The following GRID2 variants were observed in gnomAD, a reference collection of about 807,000 sequenced individuals.
GRID2 encodes glutamate receptor ionotropic, delta-2.
GRID2 carries 33 observed loss-of-function variants against 114.8 expected under a neutral mutation model. The ratio of observed to expected loss-of-function variants is 0.29; its 90% CI spans 0.22 to 0.38. The LOEUF (loss-of-function observed/expected upper bound fraction) is 0.38. GRID2 is among the 10% of genes least tolerant of loss of function. The pLI is 1.00. For missense variants in GRID2, 1,184 were observed against 1,257.7 expected, an observed-to-expected ratio of 0.94 and a Z score of 0.89; for synonymous variants, 505 against 449.9, an observed-to-expected ratio of 1.12 and a Z score of -1.55.
intron 13 of GRID2, among the ~76,000 whole-genome samples, chr4:93,529,485 A>G (rs36030221): frequency 4.6e-4 from 70 of 152,292 alleles, no homozygotes; most frequent in Admixed American, 9.8e-4. Flanking sequence ...ATTGTAGATT[A>G]ATAAGCTCTT....
chr4:93,634,475 A>T (rs1008911900), intron 14 of GRID2, among the ~76,000 whole-genome samples: 1 of 152,184 alleles, frequency 6.6e-6, no homozygotes, highest in Non-Finnish European at 1.5e-5. Flanking sequence ...AACACTTGAT[A>T]TGTTTCATAT....
intron 2 of GRID2, among the ~76,000 whole-genome samples, chr4:92,901,325 G>A (rs28813669): frequency 2.6e-5 from 4 of 152,144 alleles, no homozygotes; most frequent in South Asian, 4.1e-4. Context: ...CAGATGGTAA[G>A]TGGTGCTGAG....
In GRID2 at chr4:92,707,050, G is replaced by C. The variant is rs78675811; in HGVS notation, c.244+116764G>C. 2.3e-3 allele frequency among the ~76,000 whole-genome samples: 350 copies of C among 152,156 alleles called. 5 individuals are homozygous for C. Among genetic ancestry groups the C allele is most frequent in the African/African-American group, 7.9e-3 (329 of 41,528 alleles). ...ATTAAAAATCTAAATACTTACGCTA[G>C]AATTACTTTCCTCTTAATTCTTCTG... On this transcript the variant is annotated intron_variant, in intron 2 of 15. Coordinates refer to ENST00000282020, the MANE Select transcript of GRID2 (RefSeq NM_001510.4).
intron 8 of GRID2, among the ~76,000 whole-genome samples, chr4:93,359,593 C>T (rs946607075): frequency 6.6e-6 from 1 of 151,296 alleles, no homozygotes; most frequent in African/African-American, 2.4e-5. Context: ...CTCTGGTAAC[C>T]ATCCTTCTCT....
intron 8 of GRID2, among the ~76,000 whole-genome samples, chr4:93,258,555 A>T (rs1749881415): frequency 6.6e-6 from 1 of 151,818 alleles, no homozygotes; most frequent in African/African-American, 2.4e-5. Context: ...TTTTGAAAAA[A>T]AGACTCAGAG....
At chr4:93,149,787 C>T (rs1044363684) in intron 4 of GRID2, among the ~76,000 whole-genome samples, 1 of 151,762 alleles carries the variant, frequency 6.6e-6, no homozygotes, top group African/African-American at 2.4e-5. Context: ...GTCCATGCAA[C>T]ACGACCTGGC....
intron 2 of GRID2, among the ~76,000 whole-genome samples, chr4:93,042,240 A>T (rs1725590243): frequency 6.9e-6 from 1 of 145,306 alleles, no homozygotes; most frequent in Admixed American, 7.2e-5. Flanking sequence ...TAAATAATAT[A>T]TTTTAAATCT....
intron 1 of GRID2, among the ~76,000 whole-genome samples, chr4:92,575,656 C>A (rs577848039): frequency 6.6e-6 from 1 of 152,300 alleles, no homozygotes; most frequent in African/African-American, 2.4e-5. Flanking sequence ...CCTGTCCCTT[C>A]CTCTGGAAGC....
intron 9 of GRID2, among the ~76,000 whole-genome samples, chr4:93,414,682 A>ATT (rs906579815): frequency 1.4e-5 from 1 of 71,676 alleles, no homozygotes; most frequent in Non-Finnish European, 2.6e-5. Context: ...ACCATCTGAC[A>ATT]TTTTATATAT....
intron 14 of GRID2, among the ~76,000 whole-genome samples, chr4:93,696,615 A>G (rs1223284091): frequency 6.6e-6 from 1 of 152,226 alleles, no homozygotes; most frequent in South Asian, 2.1e-4. Context: ...CAGGTTAGTT[A>G]CATATGTATT....
chr4:92,306,416 G>A (rs565693546), intron 1 of GRID2, among the ~76,000 whole-genome samples: 12 of 152,166 alleles, frequency 7.9e-5, no homozygotes, highest in Non-Finnish European at 1.6e-4. Context: ...GCAATGTTCT[G>A]ATAGAGTTCA....
chr4:92,783,227 T>C (rs766249141), intron 2 of GRID2, among the ~76,000 whole-genome samples: 5 of 152,056 alleles, frequency 3.3e-5, no homozygotes, highest in Non-Finnish European at 7.4e-5. Context: ...AGCTATGTTG[T>C]GGGTTTTCAA....
At chr4:93,599,295 C>T (rs1410812392) in intron 13 of GRID2, among the ~76,000 whole-genome samples, 1 of 152,192 alleles carries the variant, frequency 6.6e-6, no homozygotes, top group East Asian at 1.9e-4. Flanking sequence ...ATAGCACTGT[C>T]ATTAGTGGTC....
intron 2 of GRID2, among the ~76,000 whole-genome samples, chr4:92,699,387 G>T (rs1012082399): frequency 6.6e-6 from 1 of 152,170 alleles, no homozygotes; most frequent in African/African-American, 2.4e-5. Context: ...AGGCCTATTA[G>T]TCTTGCATCT....
chr4:93,202,330 AC>A (rs1321229996), intron 4 of GRID2, among the ~76,000 whole-genome samples: 5 of 152,172 alleles, frequency 3.3e-5, no homozygotes, highest in African/African-American at 1.2e-4. Context: ...CTAAGAATTC[AC>A]ACAATGAGCC....
chr4:93,166,311 G>A (rs1266048824), intron 4 of GRID2: 1 of 152,118 alleles, frequency 6.6e-6, no homozygotes, highest in Admixed American at 6.6e-5. Context: ...TCTAAAGTGG[G>A]TAGAAGGAGT....
intron 8 of GRID2, among the ~76,000 whole-genome samples, chr4:93,293,480 A>G (rs1300783397): frequency 6.6e-6 from 1 of 152,198 alleles, no homozygotes; most frequent in Non-Finnish European, 1.5e-5. Flanking sequence ...TAACTGAAAC[A>G]AAGTGTTACA....
chr4:92,873,564 A>T (rs1054902058), intron 2 of GRID2, among the ~76,000 whole-genome samples: 3 of 152,196 alleles, frequency 2.0e-5, no homozygotes, highest in Non-Finnish European at 4.4e-5. Context: ...AAAGATAAAA[A>T]TTTAGATACG....
chr4:92,749,583 C>G (rs938175050), intron 2 of GRID2, among the ~76,000 whole-genome samples: 15 of 151,928 alleles, frequency 9.9e-5, no homozygotes, highest in African/African-American at 3.6e-4. Flanking sequence ...AAGATTTGTA[C>G]CATTTTTAAA....
Sources: allele counts gnomAD v4.1 joint callset (sites outside exome capture counted in the v4.1 genomes callset), GRCh38; gene constraint gnomAD v4.1.1; transcripts MANE v1.5; gene names NCBI Gene and HGNC (gene_info 2026-07-23, HGNC 2026-07-21).